CLRN1: variants seen among roughly 807,000 people sequenced by gnomAD.
CLRN1 encodes clarin 1.
A neutral mutation model predicts 18.7 loss-of-function variants in CLRN1; 15 were observed. The ratio of observed to expected loss-of-function variants is 0.80; its 90% CI spans 0.54 to 1.23. CLRN1 has a LOEUF of 1.23. CLRN1 is among the 50% of genes most tolerant of loss of function. CLRN1 has a pLI of 0.00. For missense variants in CLRN1, 311 were observed against 277.5 expected (o/e 1.12, Z -0.86); for synonymous variants, 104 against 102.9 (o/e 1.01, Z -0.07).
At chr3:150,958,593 A>G (rs1714869338) in intron 1 of CLRN1, among the ~76,000 whole-genome samples, 1 of 152,160 alleles carries the variant, frequency 6.6e-6, no homozygotes, top group Non-Finnish European at 1.5e-5. Context: ...TTCTTCATGC[A>G]TTTGCTTATG....
rs572596039 is a variant in CLRN1 at position 150,930,512 on chromosome 3, G to A, written c.434-2311C>T. Among the ~76,000 whole-genome samples, 236 of 152,206 alleles carry A rather than the reference G, an allele frequency of 1.6e-3. 1 individual carries two copies. Among genetic ancestry groups the A allele is most frequent in the African/African-American group, 5.1e-3 (211 of 41,528 alleles). ...ACTTTCTACCATCCTCAGAGTGGTA[G>A]CTGAGAATATTCCTTTGTAAAATTT... is the stretch of plus-strand genomic sequence containing the variant. On this transcript the variant is annotated intron_variant, in intron 2 of 2. Transcript: ENST00000327047.
intron 2 of CLRN1, among the ~76,000 whole-genome samples, chr3:150,939,221 C>T (rs1233688890): frequency 1.3e-5 from 2 of 152,170 alleles, no homozygotes; most frequent in Non-Finnish European, 2.9e-5. Flanking sequence ...GAAAGGCCCA[C>T]ACCTTCCACT....
intron 2 of CLRN1, among the ~76,000 whole-genome samples, chr3:150,936,247 G>A (rs1713479119): frequency 6.6e-6 from 1 of 152,076 alleles, no homozygotes; most frequent in Non-Finnish European, 1.5e-5. Context: ...CTCTCCCTAG[G>A]TGATCTCATC....
At chr3:150,955,086 A>C (rs1257942600) in intron 1 of CLRN1, among the ~76,000 whole-genome samples, 1 of 152,246 alleles carries the variant, frequency 6.6e-6, no homozygotes, top group Non-Finnish European at 1.5e-5. Flanking sequence ...GCTGCTACTC[A>C]CAATAACTCG....
chr3:150,949,972 C>A (rs567668018), intron 1 of CLRN1, among the ~76,000 whole-genome samples: 133 of 152,142 alleles, frequency 8.7e-4, no homozygotes, highest in Non-Finnish European at 1.6e-3. Context: ...GCACATAGAC[C>A]AAATGAACAG....
chr3:150,940,460 G>A (rs2107948108), intron 2 of CLRN1: 1 of 1,533,766 alleles, frequency 6.5e-7, no homozygotes, highest in African/African-American at 1.4e-5. Context: ...GAAGGGAGTA[G>A]TGTCAAGAGC....
intron 1 of CLRN1, chr3:150,945,699 T>C (rs1269481917): frequency 2.4e-6 from 3 of 1,227,650 alleles, no homozygotes; most frequent in Non-Finnish European, 3.2e-6. Context: ...ATCAGAAAAA[T>C]GCACATTAAA....
intron 1 of CLRN1, among the ~76,000 whole-genome samples, chr3:150,955,327 C>G (rs759267949): frequency 6.6e-6 from 1 of 152,030 alleles, no homozygotes; most frequent in Non-Finnish European, 1.5e-5. Flanking sequence ...TCATTATAAG[C>G]CAATATGCAT....
At position 150,941,609 on chromosome 3, in the gene CLRN1, C is replaced by T. The variant is rs904836940; in HGVS notation, c.406G>A (p.Gly136Arg). Residue 136 changes from glycine to arginine, a missense_variant, in exon 2 of 3, where the codon GGG becomes AGG. Gly to Arg is a moderately radical substitution (Grantham distance 125). Coordinates refer to ENST00000327047, the MANE Select transcript of CLRN1 (RefSeq NM_174878.3). ...GAAATGAAGCTCAAAAGGTACAGCC[C>T]TAGGGGACCATGCAGAGTTTCAAAA... ...KPFETLHGPLGLYLLSFISGS... is the reference protein window; with the variant it reads ...KPFETLHGPLRLYLLSFISGS... The T allele has an allele frequency of 9.3e-6, 15 of 1,613,858 alleles. No individual in the cohort carries two copies. The highest frequency in any genetic ancestry group is 1.3e-5 in the African/African-American group (1 of 74,898).
chr3:150,927,534 A>G lies in CLRN1; in HGVS notation c.*402T>C. On this transcript the variant is annotated 3_prime_UTR_variant, in exon 3 of 3. Transcript: ENST00000327047. ...AGCGATTGCAGCTCAGTTTTCTGAA[A>G]TCTGGCAACAAATGTGTGGATATAT... 2.2e-6 allele frequency: 1 copy of G among 456,154 alleles called. No individual in the cohort carries two copies. Among genetic ancestry groups the G allele is most frequent in the Non-Finnish European group, 4.4e-6 (1 of 228,476 alleles). The allele number at this position is 456,154 out of a possible 1,614,324, so 28.3% of individuals were successfully genotyped here.
intron 1 of CLRN1, among the ~76,000 whole-genome samples, chr3:150,969,010 A>G (rs929894975): frequency 4.6e-5 from 7 of 151,856 alleles, no homozygotes; most frequent in African/African-American, 1.7e-4. Context: ...TCTCTGCTCC[A>G]TAAAACCACA....
intron 1 of CLRN1, among the ~76,000 whole-genome samples, chr3:150,961,040 C>T (rs1325989680): frequency 6.6e-6 from 1 of 152,260 alleles, no homozygotes; most frequent in African/African-American, 2.4e-5. Flanking sequence ...AATCAGATTG[C>T]TCATTGCCCT....
chr3:150,966,866 G>A (rs1219828031), intron 1 of CLRN1, among the ~76,000 whole-genome samples: 1 of 152,136 alleles, frequency 6.6e-6, no homozygotes, highest in Non-Finnish European at 1.5e-5. Context: ...AAGATTAGAA[G>A]GGTTATGCAA....
At chr3:150,929,392 G>A (rs1239104779) in intron 2 of CLRN1, among the ~76,000 whole-genome samples, 7 of 152,134 alleles carry the variant, frequency 4.6e-5, no homozygotes, top group African/African-American at 7.2e-5. Context: ...ACTCTACAGC[G>A]CTTCCACAGC....
intron 1 of CLRN1, chr3:150,942,690 T>C (rs2107953096): frequency 5.1e-6 from 2 of 391,500 alleles, no homozygotes; most frequent in Middle Eastern, 3.5e-4. Flanking sequence ...ATAAACGTGA[T>C]AGCTTATCTC....
chr3:150,941,196 GC>G (rs1713817206), intron 2 of CLRN1, among the ~76,000 whole-genome samples: 1 of 89,220 alleles, frequency 1.1e-5, no homozygotes, highest in African/African-American at 3.4e-5. Context: ...TATATATATA[GC>G]CCCCATATAT....
chr3:150,956,616 A>T (rs908230157), intron 1 of CLRN1, among the ~76,000 whole-genome samples: 1 of 152,202 alleles, frequency 6.6e-6, no homozygotes, highest in Non-Finnish European at 1.5e-5. Context: ...GTAAGTCGTA[A>T]GTTAATGACT....
At chr3:150,955,018 A>G (rs11924857) in intron 1 of CLRN1, among the ~76,000 whole-genome samples, 49,444 of 152,140 alleles carry the variant, frequency 0.32, 9,454 homozygotes, top group East Asian at 0.53. Context: ...ACAGGTGAAC[A>G]GATAAACAAG....
chr3:150,946,828 T>G (rs1385245124), intron 1 of CLRN1, among the ~76,000 whole-genome samples: 1 of 151,164 alleles, frequency 6.6e-6, no homozygotes, highest in Non-Finnish European at 1.5e-5. Context: ...ACATGTGCCA[T>G]GCTGGTGCGC....
Sources: allele counts gnomAD v4.1 joint callset (sites outside exome capture counted in the v4.1 genomes callset), GRCh38; gene constraint gnomAD v4.1.1; transcripts MANE v1.5; gene names NCBI Gene and HGNC (gene_info 2026-07-23, HGNC 2026-07-21).